The following RIMS1 variants were observed in gnomAD, a reference collection of about 807,000 sequenced individuals.
RIMS1 encodes regulating synaptic membrane exocytosis protein 1.
RIMS1 carries 83 observed loss-of-function variants against 214.1 expected under a neutral mutation model. The observed-to-expected ratio is 0.39, with a 90% CI of 0.32 to 0.47. The LOEUF (loss-of-function observed/expected upper bound fraction) is 0.47. Ranked by LOEUF, RIMS1 falls within the 20% of genes least tolerant of loss-of-function variation. RIMS1 has a pLI of 0.99. For missense variants in RIMS1, 2,050 were observed against 2,161.8 expected, an observed-to-expected ratio of 0.95 and a Z score of 1.03; for synonymous variants, 793 against 786.8, an observed-to-expected ratio of 1.01 and a Z score of -0.13.
intron 4 of RIMS1, among the ~76,000 whole-genome samples, chr6:72,144,457 T>C (rs2042456837): frequency 6.6e-6 from 1 of 152,130 alleles, no homozygotes; most frequent in African/African-American, 2.4e-5. Context: ...TGAAGAGACA[T>C]GTATCAAGAC....
chr6:72,106,551 C>T (rs2034780658), intron 4 of RIMS1, among the ~76,000 whole-genome samples: 1 of 152,170 alleles, frequency 6.6e-6, no homozygotes, highest in Admixed American at 6.5e-5. Flanking sequence ...AGAAGATGCA[C>T]TTGACGGACA....
At chr6:72,102,981 C>G (rs1303025632) in intron 4 of RIMS1, among the ~76,000 whole-genome samples, 1 of 151,982 alleles carries the variant, frequency 6.6e-6, no homozygotes, top group African/African-American at 2.4e-5. Flanking sequence ...TTGCCTGGAC[C>G]CACTTTTATG....
At chr6:72,242,501 A>G (rs1258361247) in intron 10 of RIMS1, 64 bp downstream of exon 10, 2 of 1,194,676 alleles carry the variant, frequency 1.7e-6, no homozygotes, top group African/African-American at 1.6e-5. Context: ...GGTTTTAAAA[A>G]GAATTTTATA....
At chr6:72,065,928 A>G (rs533051773) in intron 2 of RIMS1, among the ~76,000 whole-genome samples, 20 of 151,840 alleles carry the variant, frequency 1.3e-4, no homozygotes, top group Admixed American at 1.2e-3. Context: ...AGAAGCCGAA[A>G]AAAAAAAAAA....
chr6:72,005,255 G>T (rs534194329), intron 2 of RIMS1, among the ~76,000 whole-genome samples: 120 of 152,312 alleles, frequency 7.9e-4, no homozygotes, highest in African/African-American at 2.7e-3. Context: ...ACAGTAGCAT[G>T]CTGTTTTGGT....
intron 19 of RIMS1, chr6:72,263,303 G>A (rs1489857114): frequency 2.1e-5 from 21 of 985,118 alleles, no homozygotes; most frequent in Non-Finnish European, 2.5e-5. Context: ...GGAAGTGGTA[G>A]TATAGAGAAA....
intron 6 of RIMS1, chr6:72,213,080 G>A: frequency 6.5e-6 from 10 of 1,535,990 alleles, no homozygotes; most frequent in Non-Finnish European, 8.7e-6. Flanking sequence ...TAAACAGCAA[G>A]GCTTAAATCT....
chr6:72,125,383 A>G (rs1287831556), intron 4 of RIMS1, among the ~76,000 whole-genome samples: 1 of 152,094 alleles, frequency 6.6e-6, no homozygotes, highest in Non-Finnish European at 1.5e-5. Context: ...ACCCGGCTGT[A>G]TGAGGTGTCA....
intron 1 of RIMS1, among the ~76,000 whole-genome samples, chr6:71,933,018 A>T (rs779875746): frequency 3.3e-5 from 5 of 152,176 alleles, no homozygotes; most frequent in Non-Finnish European, 7.4e-5. Flanking sequence ...ACTGACAATA[A>T]TCCATCCCAT....
intron 2 of RIMS1, among the ~76,000 whole-genome samples, chr6:72,070,579 A>T (rs1830367018): frequency 1.3e-5 from 2 of 152,172 alleles, no homozygotes; most frequent in African/African-American, 4.8e-5. Context: ...TATTCTTAAC[A>T]ACAACTTTAA....
intron 1 of RIMS1, among the ~76,000 whole-genome samples, chr6:71,923,625 G>A (rs1780685010): frequency 2.6e-5 from 4 of 151,618 alleles, no homozygotes; most frequent in African/African-American, 9.7e-5. Flanking sequence ...GGAGTGCAGT[G>A]GCGTGATCTT....
At chr6:72,295,580 AT>A (rs138288865) in intron 26 of RIMS1, among the ~76,000 whole-genome samples, 1,696 of 151,920 alleles carry the variant, frequency 0.011, 10 homozygotes, top group Non-Finnish European at 0.017. Context: ...TCCAAAAAAA[AT>A]CACAATGGAT....
chr6:71,970,587 T>G (rs1288641180), intron 2 of RIMS1, among the ~76,000 whole-genome samples: 1 of 152,234 alleles, frequency 6.6e-6, no homozygotes. Flanking sequence ...TTACTTTGTT[T>G]TCACTTTCAC....
chr6:71,917,070 A>G (rs921678471), intron 1 of RIMS1, among the ~76,000 whole-genome samples: 4 of 152,122 alleles, frequency 2.6e-5, no homozygotes, highest in African/African-American at 7.2e-5. Flanking sequence ...ACCATGACAG[A>G]TTTTTAACCT....
At position 71,969,101 on chromosome 6, in the gene RIMS1, T is replaced by C. The variant is rs185150223; in HGVS notation, c.245+38T>C. 42 of 1,571,984 alleles carry C rather than the reference T, an allele frequency of 2.7e-5. No individual in the cohort carries two copies. The African/African-American group carries it at 5.4e-4, about 20-fold the overall frequency. On this transcript the variant is annotated intron_variant, in intron 2 of 33. Transcript: ENST00000521978. ...TTGGTTTTATTGACTGAAAATGTCG[T>C]CTCTTACACAGATCATGGTTACAGA...
intron 2 of RIMS1, among the ~76,000 whole-genome samples, chr6:72,064,337 G>C (rs1032361631): frequency 6.6e-6 from 1 of 151,540 alleles, no homozygotes; most frequent in African/African-American, 2.4e-5. Context: ...AAGAAAGAGA[G>C]AGAGAGAGAG....
At chr6:72,066,227 G>A (rs999897477) in intron 2 of RIMS1, among the ~76,000 whole-genome samples, 1 of 152,070 alleles carries the variant, frequency 6.6e-6, no homozygotes, top group African/African-American at 2.4e-5. Context: ...GTAGTTAGCC[G>A]AGAAAAAAAT....
intron 2 of RIMS1, among the ~76,000 whole-genome samples, chr6:72,084,335 A>G (rs1416715323): frequency 6.6e-6 from 1 of 152,122 alleles, no homozygotes; most frequent in Non-Finnish European, 1.5e-5. Flanking sequence ...TACATTCCTA[A>G]TTCATATCCT....
intron 2 of RIMS1, among the ~76,000 whole-genome samples, chr6:72,034,481 G>T (rs1475742516): frequency 6.6e-6 from 1 of 152,008 alleles, no homozygotes; most frequent in African/African-American, 2.4e-5. Flanking sequence ...CTATGGAAAT[G>T]TGTTTTGCAG....
Sources: allele counts gnomAD v4.1 joint callset (sites outside exome capture counted in the v4.1 genomes callset), GRCh38; gene constraint gnomAD v4.1.1; transcripts MANE v1.5; gene names NCBI Gene and HGNC (gene_info 2026-07-23, HGNC 2026-07-21).